The following FAM107B variants were observed in gnomAD, a reference collection of about 807,000 sequenced individuals.
FAM107B encodes the protein protein FAM107B.
FAM107B carries 21 observed loss-of-function variants against 31.5 expected under a neutral mutation model. The observed-to-expected ratio is 0.67, with a 90% CI of 0.47 to 0.96. The LOEUF (loss-of-function observed/expected upper bound fraction) is 0.96. Ranked by LOEUF, FAM107B falls within the 40% of genes least tolerant of loss-of-function variation. The probability of loss-of-function intolerance (pLI) is 0.00; values close to 1 mark genes in which losing one functional copy is unlikely to be tolerated. For missense variants in FAM107B, 452 were observed against 377.1 expected (o/e 1.20, Z -1.64); for synonymous variants, 157 against 141.5 (o/e 1.11, Z -0.78).
intron 1 of FAM107B, among the ~76,000 whole-genome samples, chr10:14,688,318 G>T (rs930447843): frequency 2.0e-5 from 3 of 152,144 alleles, no homozygotes; most frequent in African/African-American, 7.2e-5. Context: ...TTGCTCCTCA[G>T]CTTGCAGAAG....
chr10:14,719,942 G>T (rs892713540), intron 1 of FAM107B, among the ~76,000 whole-genome samples: 2 of 152,196 alleles, frequency 1.3e-5, no homozygotes, highest in African/African-American at 4.8e-5. Flanking sequence ...ATGCCATGGT[G>T]TGGGCTCTTT....
At chr10:14,667,780 T>A (rs1854443876) in intron 1 of FAM107B, 89 bp from the exon 2 acceptor site, 1 of 1,348,798 alleles carries the variant, frequency 7.4e-7, no homozygotes, top group Admixed American at 1.8e-5. Flanking sequence ...GCCTACTAAT[T>A]AATATGAGAT....
intron 1 of FAM107B, among the ~76,000 whole-genome samples, chr10:14,711,363 G>A (rs1855642965): frequency 6.6e-6 from 1 of 152,190 alleles, no homozygotes; most frequent in African/African-American, 2.4e-5. Flanking sequence ...TCCATTCATG[G>A]TGAGTGCCTG....
chr10:14,729,197 G>A lies in FAM107B; in HGVS notation c.411+45056C>T, dbSNP rs571437934. Among the ~76,000 whole-genome samples the A allele has an allele frequency of 1.5e-3, 235 of 152,006 alleles. 1 individual carries two copies. Among genetic ancestry groups the A allele is most frequent in the Non-Finnish European group, 2.9e-3 (195 of 67,958 alleles). ...TCATTTTTGTAGAGATGAGATTTCAGTTTGTTGCCCAGGCTGATTTCAAAC... is the reference window on the plus strand; with the variant it reads ...TCATTTTTGTAGAGATGAGATTTCAATTTGTTGCCCAGGCTGATTTCAAAC... On this transcript the variant is annotated intron_variant, in intron 1 of 4. Coordinates refer to ENST00000181796, the MANE Select transcript of FAM107B (RefSeq NM_031453.4).
intron 2 of FAM107B, among the ~76,000 whole-genome samples, chr10:14,600,374 G>A (rs1241007904): frequency 1.3e-5 from 2 of 152,118 alleles, no homozygotes; most frequent in Non-Finnish European, 2.9e-5. Flanking sequence ...AGACAGAACT[G>A]AACAGTCCAC....
chr10:14,729,805 T>C (rs376545461), intron 1 of FAM107B, among the ~76,000 whole-genome samples: 1 of 152,174 alleles, frequency 6.6e-6, no homozygotes, highest in Non-Finnish European at 1.5e-5. Context: ...CCATCAATGA[T>C]AGACCGGATT....
chr10:14,635,305 A>G (rs1002518062), intron 2 of FAM107B, among the ~76,000 whole-genome samples: 3 of 152,130 alleles, frequency 2.0e-5, no homozygotes, highest in African/African-American at 7.2e-5. Context: ...CTCCACAGGA[A>G]CTCTGCCCAA....
chr10:14,582,661 G>A (rs1178556017), intron 2 of FAM107B, among the ~76,000 whole-genome samples: 3 of 152,058 alleles, frequency 2.0e-5, no homozygotes, highest in South Asian at 2.1e-4. Flanking sequence ...ACAGGCGTGA[G>A]CCACCACACC....
At chr10:14,598,661 G>A (rs7910999) in intron 2 of FAM107B, among the ~76,000 whole-genome samples, 146,472 of 152,274 alleles carry the variant, frequency 0.96, 70,705 homozygotes, top group East Asian at 1. Context: ...ATAAAACACC[G>A]TACGCTTAAA....
intron 2 of FAM107B, among the ~76,000 whole-genome samples, chr10:14,616,017 T>C (rs910395648): frequency 6.6e-6 from 1 of 152,230 alleles, no homozygotes; most frequent in African/African-American, 2.4e-5. Flanking sequence ...AAAACTTCCC[T>C]TAATAGTTTA....
intron 1 of FAM107B, among the ~76,000 whole-genome samples, chr10:14,753,346 A>G (rs1832867176): frequency 6.6e-6 from 1 of 152,356 alleles, no homozygotes; most frequent in Middle Eastern, 3.4e-3. Flanking sequence ...GGTGACAAGG[A>G]GTGATGGATG....
intron 3 of FAM107B, among the ~76,000 whole-genome samples, chr10:14,523,861 T>C (rs1025407079): frequency 2.0e-5 from 3 of 151,648 alleles, no homozygotes; most frequent in East Asian, 1.9e-4. Flanking sequence ...AATCGGTATA[T>C]TCCATCTTTT....
intron 1 of FAM107B, among the ~76,000 whole-genome samples, chr10:14,685,241 T>C (rs1854954975): frequency 6.6e-6 from 1 of 151,154 alleles, no homozygotes; most frequent in Admixed American, 6.6e-5. Context: ...CTCCAACTCC[T>C]GGGCTCAAGC....
intron 1 of FAM107B, among the ~76,000 whole-genome samples, chr10:14,681,552 C>T (rs1005890384): frequency 6.6e-6 from 1 of 152,100 alleles, no homozygotes; most frequent in South Asian, 2.1e-4. Context: ...CATCTTGGGT[C>T]GCATACTTGC....
chr10:14,571,913 C>T, intron 2 of FAM107B: 2 of 985,436 alleles, frequency 2.0e-6, no homozygotes, highest in South Asian at 9.4e-5. Flanking sequence ...CAGAGACTGA[C>T]CTAACCTCAC....
chr10:14,724,121 T>G, intron 1 of FAM107B: 2 of 553,194 alleles, frequency 3.6e-6, no homozygotes, highest in South Asian at 3.9e-5. Flanking sequence ...CCTCTGTGGG[T>G]AGCGCGGAAA....
At chr10:14,762,108 C>A (rs947418904) in intron 1 of FAM107B, among the ~76,000 whole-genome samples, 1 of 152,034 alleles carries the variant, frequency 6.6e-6, no homozygotes, top group Admixed American at 6.6e-5. Context: ...CATGGAAGAC[C>A]CAGGTTCTTT....
At chr10:14,600,281 G>T (rs1442110812) in intron 2 of FAM107B, among the ~76,000 whole-genome samples, 1 of 152,184 alleles carries the variant, frequency 6.6e-6, no homozygotes, top group Non-Finnish European at 1.5e-5. Flanking sequence ...CCTTCAGCAA[G>T]GACACTGGGA....
chr10:14,605,387 G>A (rs1852563019), intron 2 of FAM107B, among the ~76,000 whole-genome samples: 1 of 152,126 alleles, frequency 6.6e-6, no homozygotes, highest in Admixed American at 6.5e-5. Flanking sequence ...TTTCAGCGTA[G>A]CAAAAAGGAC....
Sources: allele counts gnomAD v4.1 joint callset (sites outside exome capture counted in the v4.1 genomes callset), GRCh38; gene constraint gnomAD v4.1.1; transcripts MANE v1.5; gene names NCBI Gene and HGNC (gene_info 2026-07-23, HGNC 2026-07-21).